The following ACTR3C variants were observed in gnomAD, a reference collection of about 807,000 sequenced individuals.
ACTR3C encodes the protein actin-related protein 3C.
ACTR3C carries 18 observed loss-of-function variants against 26.3 expected under a neutral mutation model. That is an observed-to-expected ratio of 0.68 (90% CI 0.47 to 1.01). The LOEUF (loss-of-function observed/expected upper bound fraction) is 1.01, where lower values mean the gene tolerates loss of function less well. Ranked by LOEUF, ACTR3C falls within the 50% of genes least tolerant of loss-of-function variation. The pLI is 0.00. For missense variants in ACTR3C, 184 were observed against 250.7 expected (o/e 0.73, Z 1.80); for synonymous variants, 55 against 94.5 (o/e 0.58, Z 2.42).
chr7:150,150,429 C>T, the ACTR3C span, among the ~76,000 whole-genome samples: 70 of 152,126 alleles, frequency 4.6e-4, no homozygotes, highest in Admixed American at 3.3e-3. Context: ...GCCTTGCATC[C>T]GTTCCACAAA....
the ACTR3C span, among the ~76,000 whole-genome samples, chr7:150,183,935 T>C: frequency 2.0e-5 from 3 of 150,322 alleles, no homozygotes; most frequent in African/African-American, 7.6e-5. Context: ...TGTCTGATAT[T>C]TCCCCTACTT....
chr7:150,030,578 T>C, the ACTR3C span, among the ~76,000 whole-genome samples: 5 of 152,300 alleles, frequency 3.3e-5, no homozygotes, highest in East Asian at 7.7e-4. Context: ...AAGTTTGTTA[T>C]AGATGAATGA....
chr7:150,177,006 T>C, the ACTR3C span, among the ~76,000 whole-genome samples: 1 of 150,758 alleles, frequency 6.6e-6, no homozygotes. Context: ...GATGCTCCTA[T>C]ATTTTAACAT....
the ACTR3C span, among the ~76,000 whole-genome samples, chr7:149,931,160 C>A: frequency 6.6e-6 from 1 of 152,226 alleles, no homozygotes; most frequent in Non-Finnish European, 1.5e-5. Flanking sequence ...GCCACTGAGC[C>A]CGGCCATATG....
At chr7:150,279,096 C>T (rs999663689) in intron 6 of ACTR3C, among the ~76,000 whole-genome samples, 63 of 152,200 alleles carry the variant, frequency 4.1e-4, no homozygotes, top group African/African-American at 1.4e-3. Flanking sequence ...TGAGGCCAGG[C>T]GTTTAAGACC....
the ACTR3C span, among the ~76,000 whole-genome samples, chr7:150,030,828 G>A: frequency 6.6e-6 from 1 of 151,656 alleles, no homozygotes; most frequent in South Asian, 2.1e-4. Flanking sequence ...AGGGCTGACC[G>A]CTGCATGCCC....
the ACTR3C span, among the ~76,000 whole-genome samples, chr7:149,980,216 A>G: frequency 6.6e-6 from 1 of 152,240 alleles, no homozygotes; most frequent in Non-Finnish European, 1.5e-5. Flanking sequence ...TATGTAAAAG[A>G]GGGTTGAGAT....
At chr7:150,221,104 G>T in the ACTR3C span, among the ~76,000 whole-genome samples, 3 of 151,706 alleles carry the variant, frequency 2.0e-5, no homozygotes, top group East Asian at 5.8e-4. Context: ...GAGCTACAGC[G>T]GAGGGATGCG....
At chr7:150,097,130 G>A in the ACTR3C span, among the ~76,000 whole-genome samples, 1 of 151,916 alleles carries the variant, frequency 6.6e-6, no homozygotes, top group South Asian at 2.1e-4. Flanking sequence ...AGCCCACTAA[G>A]TCTTGGGGTG....
At chr7:150,151,470 A>G in the ACTR3C span, among the ~76,000 whole-genome samples, 1 of 137,596 alleles carries the variant, frequency 7.3e-6, no homozygotes, top group African/African-American at 2.5e-5. Flanking sequence ...AACTTCGGTT[A>G]TAATGAAACA....
chr7:150,140,349 C>T, the ACTR3C span, among the ~76,000 whole-genome samples: 2 of 151,950 alleles, frequency 1.3e-5, no homozygotes, highest in Non-Finnish European at 2.9e-5. Context: ...AAAACTAGGC[C>T]TTTGAATTAT....
chr7:149,883,366 A>G, the ACTR3C span, among the ~76,000 whole-genome samples: 1 of 152,178 alleles, frequency 6.6e-6, no homozygotes, highest in African/African-American at 2.4e-5. Flanking sequence ...TGGGAGGCAC[A>G]TCAGTAAATA....
the ACTR3C span, among the ~76,000 whole-genome samples, chr7:150,158,229 C>T: frequency 6.6e-6 from 1 of 151,942 alleles, no homozygotes; most frequent in African/African-American, 2.4e-5. Context: ...GGAAAAACTG[C>T]ATGCTGTTGG....
the ACTR3C span, among the ~76,000 whole-genome samples, chr7:149,931,843 C>T: frequency 6.6e-6 from 1 of 152,100 alleles, no homozygotes; most frequent in Non-Finnish European, 1.5e-5. Context: ...TAAAACTGCT[C>T]ATTTTAAACT....
chr7:150,047,688 C>T, the ACTR3C span: 1,059 of 1,092,540 alleles, frequency 9.7e-4, 14 homozygotes, highest in African/African-American at 0.017. Context: ...GCCGCCGCCG[C>T]GCTCCCGGGG....
At chr7:149,948,509 G>A in the ACTR3C span, among the ~76,000 whole-genome samples, 1 of 150,662 alleles carries the variant, frequency 6.6e-6, no homozygotes, top group African/African-American at 2.5e-5. Context: ...CTCAGGGCAG[G>A]CTCTGCCTTC....
chr7:150,280,183 G>C (rs1835204247), intron 6 of ACTR3C, among the ~76,000 whole-genome samples: 1 of 152,118 alleles, frequency 6.6e-6, no homozygotes, highest in African/African-American at 2.4e-5. Flanking sequence ...CCCAGCCCAA[G>C]CCCAATTACA....
chr7:150,007,504 G>A, the ACTR3C span, among the ~76,000 whole-genome samples: 1 of 152,232 alleles, frequency 6.6e-6, no homozygotes, highest in African/African-American at 2.4e-5. Flanking sequence ...ATCTGCTACT[G>A]ATAATGATTA....
At chr7:150,035,005 G>A in the ACTR3C span, among the ~76,000 whole-genome samples, 1 of 142,870 alleles carries the variant, frequency 7.0e-6, no homozygotes, top group African/African-American at 2.6e-5. Context: ...TGTGATGGGG[G>A]TCCTCAGAGC....
Sources: allele counts gnomAD v4.1 joint callset (sites outside exome capture counted in the v4.1 genomes callset), GRCh38; gene constraint gnomAD v4.1.1; transcripts MANE v1.5; gene names NCBI Gene and HGNC (gene_info 2026-07-23, HGNC 2026-07-21).